Variants in NFILZ observed in about 807,000 individuals in gnomAD.
NFILZ encodes the protein NFIL3 like protein.
intron 3 of NFILZ, among the ~76,000 whole-genome samples, chr19:8,647,748 AACACACAC>A (rs138740763): frequency 5.8e-5 from 8 of 137,152 alleles, no homozygotes; most frequent in Admixed American, 1.5e-4. Context: ...GGAGGGGAAC[AACACACAC>A]ACACACACAC....
chr19:8,681,023 T>A lies in NFILZ; in HGVS notation c.*3388T>A, dbSNP rs1221415475. Among the ~76,000 whole-genome samples the A allele has an allele frequency of 1.3e-5, 2 of 151,882 alleles. No individual in the cohort carries two copies. Among genetic ancestry groups the A allele is most frequent in the South Asian group, 2.1e-4 (1 of 4,810 alleles). ...GACTTTGTGGGCCAAGGTGAGGACT[T>A]TGGCTTCCTTTCTGAGTGATATGGG... On this transcript the variant is annotated 3_prime_UTR_variant, in exon 6 of 6. Coordinates refer to ENST00000691075, the MANE Select transcript of NFILZ (RefSeq NM_001378600.1).
chr19:8,667,924 C>CTATA (rs1225318528), intron 3 of NFILZ, among the ~76,000 whole-genome samples: 1 of 151,858 alleles, frequency 6.6e-6, no homozygotes, highest in Non-Finnish European at 1.5e-5. Flanking sequence ...AGTTGTTATA[C>CTATA]TATATATGTA....
At chr19:8,630,953 G>A (rs1358999018) in intron 1 of NFILZ, among the ~76,000 whole-genome samples, 6 of 152,294 alleles carry the variant, frequency 3.9e-5, no homozygotes, top group East Asian at 3.9e-4. Context: ...TTGGATGCCC[G>A]GGTCGTGTTG....
intron 3 of NFILZ, among the ~76,000 whole-genome samples, chr19:8,638,983 C>T (rs1213785890): frequency 4.6e-5 from 7 of 151,712 alleles, no homozygotes; most frequent in Non-Finnish European, 7.4e-5. Context: ...GCTGGGATTA[C>T]AGGCGCACAC....
At position 8,664,918 on chromosome 19, in the gene NFILZ, G is replaced by C. The variant is rs377552100; in HGVS notation, c.-163-9633G>C. Among the ~76,000 whole-genome samples, 10 of 152,176 alleles carry C rather than the reference G, an allele frequency of 6.6e-5. No homozygotes were observed. In the East Asian group the frequency reaches 1.2e-3, roughly 18 times the overall value. Reference sequence around the variant, plus strand: ...GACGGGCAGCTCATTACCTATCAAGGCAACCTTGCTTGGTTAGTGAGCTGG... The same window carrying C: ...GACGGGCAGCTCATTACCTATCAAGCCAACCTTGCTTGGTTAGTGAGCTGG... On this transcript the variant is annotated intron_variant, in intron 3 of 5. Coordinates refer to ENST00000691075, the MANE Select transcript of NFILZ (RefSeq NM_001378600.1).
intron 3 of NFILZ, among the ~76,000 whole-genome samples, chr19:8,642,417 A>G (rs2042922796): frequency 6.6e-6 from 1 of 152,200 alleles, no homozygotes; most frequent in African/African-American, 2.4e-5. Flanking sequence ...CTGTGTAACA[A>G]ACTACCCTAT....
rs1330899795 is a variant in NFILZ at position 8,679,410 on chromosome 19, C to T, written c.*1775C>T. On this transcript the variant is annotated 3_prime_UTR_variant, in exon 6 of 6. Transcript: ENST00000691075. ...TCTGGACTGGTACTGACACTGAGAA[C>T]CAGATGCCCCTGGCCAACTGGATCA... 4.6e-5 allele frequency among the ~76,000 whole-genome samples: 7 copies of T among 152,034 alleles called. No individual in the cohort carries two copies. Among genetic ancestry groups the T allele is most frequent in the African/African-American group, 1.5e-4 (6 of 41,366 alleles).
intron 3 of NFILZ, among the ~76,000 whole-genome samples, chr19:8,636,994 C>T (rs1173336101): frequency 6.6e-6 from 1 of 152,020 alleles, no homozygotes; most frequent in Non-Finnish European, 1.5e-5. Flanking sequence ...TATAGAAGTG[C>T]GAATCAGGTG....
intron 3 of NFILZ, among the ~76,000 whole-genome samples, chr19:8,648,393 A>G (rs1555747411): frequency 6.6e-6 from 1 of 152,126 alleles, no homozygotes; most frequent in East Asian, 1.9e-4. Context: ...GTTTTGCAAG[A>G]TGAAGCATTC....
At chr19:8,663,337 A>G (rs1600151435) in intron 3 of NFILZ, among the ~76,000 whole-genome samples, 2 of 151,158 alleles carry the variant, frequency 1.3e-5, no homozygotes, top group East Asian at 4.0e-4. Flanking sequence ...AAAGAGGAGC[A>G]GAGGACAAAA....
rs191081406 is a variant in NFILZ, at chr19:8,664,812, A to G, written c.-163-9739A>G. Among the ~76,000 whole-genome samples the G allele has an allele frequency of 4.9e-3, 747 of 152,200 alleles. 6 individuals carry two copies. Among genetic ancestry groups the G allele is most frequent in the Non-Finnish European group, 8.7e-3 (590 of 68,006 alleles). On this transcript the variant is annotated intron_variant, in intron 3 of 5. Transcript: ENST00000691075. ...CAATTTCCTCATCTCAGGCCCCCCA[A>G]GTCTGGGCAGGAGGGGTGGAGAAGG...
At chr19:8,640,316 G>GTTTTTTTTTTTTTT (rs71179871) in intron 3 of NFILZ, among the ~76,000 whole-genome samples, 3 of 124,238 alleles carry the variant, frequency 2.4e-5, no homozygotes, top group African/African-American at 3.0e-5. Context: ...TCCTGCTGTA[G>GTTTTTTTTTTTTTT]TTTTTTTTTT....
At chr19:8,653,398 T>C (rs1254339177) in intron 3 of NFILZ, among the ~76,000 whole-genome samples, 2 of 152,112 alleles carry the variant, frequency 1.3e-5, no homozygotes, top group Non-Finnish European at 2.9e-5. Context: ...ATTTCATGGT[T>C]ATTGTTTTAT....
chr19:8,641,026 T>A (rs1233986332), intron 3 of NFILZ, among the ~76,000 whole-genome samples: 2 of 152,204 alleles, frequency 1.3e-5, no homozygotes, highest in African/African-American at 4.8e-5. Flanking sequence ...TCTGCAAGGT[T>A]TGCTTGGTTT....
At chr19:8,656,361 G>A (rs2042997452) in intron 3 of NFILZ, among the ~76,000 whole-genome samples, 1 of 141,484 alleles carries the variant, frequency 7.1e-6, no homozygotes, top group Non-Finnish European at 1.5e-5. Flanking sequence ...CTTCCCTGAA[G>A]CCCACCTTCT....
At chr19:8,661,499 G>A (rs1268122606) in intron 3 of NFILZ, among the ~76,000 whole-genome samples, 3 of 152,124 alleles carry the variant, frequency 2.0e-5, no homozygotes, top group Non-Finnish European at 4.4e-5. Flanking sequence ...ATGAGCTGAT[G>A]GGTTTGTTAA....
At position 8,656,319 on chromosome 19, in the gene NFILZ, CCCTGAAGCCCCCTTCTT is replaced by C. The variant is rs1261832489; in HGVS notation, c.-163-18221_-163-18205del. ...CACCTCCTCCCGCAGCGCACCTCCT[CCCTGAAGCCCCCTTCTT>C]CCTGAAGCCCACCTCTTCCCTGAAG... On this transcript the variant is annotated intron_variant, in intron 3 of 5. Coordinates refer to ENST00000691075, the MANE Select transcript of NFILZ (RefSeq NM_001378600.1). 2.4e-3 allele frequency among the ~76,000 whole-genome samples: 196 copies of C among 82,640 alleles called. 8 individuals are homozygous for C. The highest frequency in any genetic ancestry group is 0.012 in the Middle Eastern group (2 of 172). The allele number at this position is 82,640 out of a possible 152,430, so 54.2% of individuals were successfully genotyped here.
chr19:8,667,588 C>T (rs1361861716), intron 3 of NFILZ, among the ~76,000 whole-genome samples: 1 of 152,114 alleles, frequency 6.6e-6, no homozygotes, highest in Non-Finnish European at 1.5e-5. Context: ...CGCTCTGTTG[C>T]TCAGGCTGCA....
At chr19:8,640,772 T>A (rs1266902056) in intron 3 of NFILZ, among the ~76,000 whole-genome samples, 1 of 152,150 alleles carries the variant, frequency 6.6e-6, no homozygotes, top group East Asian at 1.9e-4. Flanking sequence ...GTGTGGATAT[T>A]CAAGGACCAG....
Sources: gnomAD v4.1 joint callset for allele counts (sites outside exome capture counted in the v4.1 genomes callset) on GRCh38, gnomAD v4.1.1 for gene constraint, MANE v1.5 for transcripts, NCBI Gene and HGNC (gene_info 2026-07-23, HGNC 2026-07-21) for gene names.